The following PLD1 variants were observed in gnomAD, a reference collection of about 807,000 sequenced individuals.
The protein encoded by PLD1 is choline phosphatase 1.
In PLD1, 112 loss-of-function variants were observed where a neutral mutation model predicts 137.1. That is an observed-to-expected ratio of 0.82 (90% CI 0.70 to 0.96). PLD1 has a LOEUF of 0.96. PLD1 is among the 40% of genes least tolerant of loss of function. The pLI, the probability that PLD1 is intolerant of heterozygous loss-of-function variation, is 0.00. For synonymous variants in PLD1, 431 were observed against 454.7 expected, an observed-to-expected ratio of 0.95 and a Z score of 0.66; for missense variants, 1,321 against 1,342.0, an observed-to-expected ratio of 0.98 and a Z score of 0.24.
At chr3:171,740,854 T>C (rs1230586482) in intron 1 of PLD1, among the ~76,000 whole-genome samples, 1 of 152,232 alleles carries the variant, frequency 6.6e-6, no homozygotes, top group African/African-American at 2.4e-5. Flanking sequence ...GGTATGATTA[T>C]TCTGAGAGAT....
chr3:171,728,694 A>G (rs1267803083), intron 6 of PLD1, among the ~76,000 whole-genome samples: 1 of 152,242 alleles, frequency 6.6e-6, no homozygotes, highest in East Asian at 1.9e-4. Flanking sequence ...TCTTATTTAC[A>G]TAGCTGTTAT....
intron 1 of PLD1, chr3:171,793,556 T>G (rs1460000734): frequency 6.6e-6 from 1 of 152,168 alleles, no homozygotes; most frequent in Admixed American, 6.5e-5. Flanking sequence ...GGTCCAAAAA[T>G]ATTATATCGC....
chr3:171,618,011 A>G (rs1225925379), intron 24 of PLD1, among the ~76,000 whole-genome samples: 1 of 152,206 alleles, frequency 6.6e-6, no homozygotes, highest in Non-Finnish European at 1.5e-5. Flanking sequence ...TTAGAACAGT[A>G]ACAATAAACC....
rs143684818 is a variant in PLD1 at position 171,675,386 on chromosome 3, G to C, written c.2116-773C>G. Among the ~76,000 whole-genome samples the C allele has an allele frequency of 5.0e-3, 756 of 152,176 alleles. 4 individuals carry two copies. Among genetic ancestry groups the C allele is most frequent in the African/African-American group, 0.017 (725 of 41,508 alleles). On this transcript the variant is annotated intron_variant, in intron 18 of 26. Coordinates refer to ENST00000351298, the MANE Select transcript of PLD1 (RefSeq NM_002662.5). ...ATTTCTGTTATTTCTAATTTTATTT[G>C]AATTATTAGAAGCCATATCAAAATA...
At position 171,735,522 on chromosome 3, in the gene PLD1, G is replaced by C. The variant is rs990731455; in HGVS notation, c.404C>G (p.Ala135Gly). ...EFHRELLKYK[A>G]FIRIPIPTRR... Reference sequence around the variant, plus strand: ...AGTGGGAATGGGGATGCGGATAAAGGCTTTGTACTTGAGCAGCTCTCTGTG... The same window carrying C: ...AGTGGGAATGGGGATGCGGATAAAGCCTTTGTACTTGAGCAGCTCTCTGTG... Residue 135 changes from alanine (A) to glycine (G), a missense_variant, in exon 4 of 27, where the codon GCC (alanine) becomes GGC (glycine). By Grantham distance (60) the Ala-to-Gly change is moderately conservative. Coordinates refer to ENST00000351298, the MANE Select transcript of PLD1 (RefSeq NM_002662.5). 6.2e-7 allele frequency: 1 copy of C among 1,613,484 alleles called. No individual in the cohort carries two copies. Among genetic ancestry groups the C allele is most frequent in the Admixed American group, 1.7e-5 (1 of 60,026 alleles).
At chr3:171,746,251 T>C (rs1030954220) in intron 1 of PLD1, among the ~76,000 whole-genome samples, 5 of 152,140 alleles carry the variant, frequency 3.3e-5, no homozygotes, top group Non-Finnish European at 5.9e-5. Context: ...GCCCAAGAGC[T>C]GAGGAGTGCA....
intron 1 of PLD1, among the ~76,000 whole-genome samples, chr3:171,796,882 G>T (rs1483863142): frequency 1.3e-5 from 2 of 152,052 alleles, no homozygotes; most frequent in Non-Finnish European, 2.9e-5. Context: ...TCTGGATGGG[G>T]CTGCCTCAAT....
At chr3:171,607,523 A>C (rs753122301) in intron 25 of PLD1, among the ~76,000 whole-genome samples, 1 of 152,150 alleles carries the variant, frequency 6.6e-6, no homozygotes, top group Admixed American at 6.6e-5. Context: ...AATTATAAGA[A>C]ATTTATATTA....
At chr3:171,620,769 T>C (rs868552319) in intron 23 of PLD1, among the ~76,000 whole-genome samples, 1 of 88,500 alleles carries the variant, frequency 1.1e-5, no homozygotes, top group East Asian at 2.9e-4. Flanking sequence ...TATATATATA[T>C]TATATATATT....
intron 23 of PLD1, among the ~76,000 whole-genome samples, chr3:171,620,766 ATAT>A (rs1733559293): frequency 7.7e-6 from 1 of 130,250 alleles, no homozygotes; most frequent in Non-Finnish European, 1.6e-5. Flanking sequence ...ATATATATAT[ATAT>A]TATATATATT....
At chr3:171,782,208 C>A (rs542330065) in intron 1 of PLD1, among the ~76,000 whole-genome samples, 2 of 152,262 alleles carry the variant, frequency 1.3e-5, no homozygotes, top group East Asian at 1.9e-4. Context: ...GGAAAAAAAT[C>A]AAAACAGTGG....
intron 1 of PLD1, chr3:171,789,418 G>C (rs898135728): frequency 5.9e-5 from 9 of 152,240 alleles, no homozygotes; most frequent in African/African-American, 1.7e-4. Flanking sequence ...GATTTAAGCT[G>C]TAGAATAATG....
intron 23 of PLD1, among the ~76,000 whole-genome samples, chr3:171,635,894 G>A (rs528438491): frequency 5.9e-4 from 79 of 132,994 alleles, no homozygotes; most frequent in African/African-American, 2.1e-3. Context: ...TATAGTTTTA[G>A]TTTTTACATT....
intron 16 of PLD1, 143 bp downstream of exon 16, chr3:171,686,542 C>A: frequency 1.7e-6 from 1 of 592,490 alleles, no homozygotes. Flanking sequence ...ATGCTTTGCA[C>A]AGAGCAGGCT....
At chr3:171,744,449 C>G (rs1228601213) in intron 1 of PLD1, among the ~76,000 whole-genome samples, 1 of 152,172 alleles carries the variant, frequency 6.6e-6, no homozygotes, top group African/African-American at 2.4e-5. Context: ...AAACACAGCC[C>G]TTCCACTGAG....
chr3:171,638,755 G>A (rs1735382333), intron 23 of PLD1, among the ~76,000 whole-genome samples: 1 of 152,140 alleles, frequency 6.6e-6, no homozygotes, highest in South Asian at 2.1e-4. Flanking sequence ...ACTGGGCCAA[G>A]AGGTGCCCAG....
intron 10 of PLD1, 78 bp downstream of exon 10, chr3:171,709,482 T>G: frequency 8.0e-7 from 1 of 1,247,416 alleles, no homozygotes; most frequent in Non-Finnish European, 1.1e-6. Flanking sequence ...TTTTGAAAAC[T>G]GATTCCAGGT....
intron 1 of PLD1, among the ~76,000 whole-genome samples, chr3:171,807,567 G>A (rs914482865): frequency 2.0e-5 from 3 of 152,038 alleles, no homozygotes; most frequent in African/African-American, 7.2e-5. Context: ...GAAATTATAA[G>A]AGAAAAAAAA....
Position 171,677,263 on chromosome 3 carries a change from G to A in PLD1, c.1996+303C>T, listed in dbSNP as rs145960667. ...AATGCAGGAAATAAGCAGAATAGAA[G>A]ATGATCAAAGGGAGCCTACCATTTC... On this transcript the variant is annotated intron_variant, in intron 17 of 26. Coordinates refer to ENST00000351298, the MANE Select transcript of PLD1 (RefSeq NM_002662.5). Among the ~76,000 whole-genome samples, 986 of 152,214 alleles carry A rather than the reference G, an allele frequency of 6.5e-3. 8 individuals are homozygous for A. Among genetic ancestry groups the A allele is most frequent in the African/African-American group, 0.023 (935 of 41,536 alleles).
Sources: gnomAD v4.1 joint callset for allele counts (sites outside exome capture counted in the v4.1 genomes callset) on GRCh38, gnomAD v4.1.1 for gene constraint, MANE v1.5 for transcripts, NCBI Gene and HGNC (gene_info 2026-07-23, HGNC 2026-07-21) for gene names.